Variants in WDR41 observed in about 807,000 individuals in gnomAD.
The protein encoded by WDR41 is WD repeat domain 41.
Under a neutral mutation model 69.3 loss-of-function variants are expected in WDR41, and 63 were observed. That is an observed-to-expected ratio of 0.91 (90% CI 0.74 to 1.12). The LOEUF (loss-of-function observed/expected upper bound fraction) is 1.12, where lower values mean the gene tolerates loss of function less well. Among genes scored for constraint, WDR41 ranks in the 50% most tolerant of loss-of-function variants. WDR41 has a pLI of 0.00. For missense variants in WDR41, 543 were observed against 534.5 expected (o/e 1.02, Z -0.16); for synonymous variants, 185 against 192.1 (o/e 0.96, Z 0.31).
intron 2 of WDR41, among the ~76,000 whole-genome samples, chr5:77,475,146 C>T (rs887710445): frequency 2.0e-5 from 3 of 152,222 alleles, no homozygotes; most frequent in Admixed American, 1.3e-4. Flanking sequence ...TTATATCCTG[C>T]ACCTCACTTG....
intron 1 of WDR41, chr5:77,582,312 T>C: frequency 6.9e-7 from 1 of 1,450,606 alleles, no homozygotes; most frequent in Middle Eastern, 2.1e-4. Flanking sequence ...TATGCATAGA[T>C]ATATAACAAG....
intron 1 of WDR41, among the ~76,000 whole-genome samples, chr5:77,491,622 T>A (rs1199923295): frequency 1.3e-5 from 2 of 151,904 alleles, no homozygotes; most frequent in Admixed American, 1.3e-4. Context: ...AATTAGAAAA[T>A]CATGTTCTTG....
intron 1 of WDR41, among the ~76,000 whole-genome samples, chr5:77,500,069 C>A (rs1375804130): frequency 6.6e-6 from 1 of 152,096 alleles, no homozygotes; most frequent in Non-Finnish European, 1.5e-5. Context: ...TATGGAGAAA[C>A]ACAAAAGTCT....
At chr5:77,512,833 A>T (rs1489413464) in intron 1 of WDR41, among the ~76,000 whole-genome samples, 1 of 151,998 alleles carries the variant, frequency 6.6e-6, no homozygotes, top group Non-Finnish European at 1.5e-5. Context: ...CACTGAAATC[A>T]AATTAATATA....
intron 1 of WDR41, among the ~76,000 whole-genome samples, chr5:77,599,727 T>G (rs1396316632): frequency 1.3e-5 from 2 of 152,214 alleles, no homozygotes. Context: ...CTAGCCCTCT[T>G]TCTTTACAGC....
intron 5 of WDR41, among the ~76,000 whole-genome samples, chr5:77,458,473 T>A (rs182917836): frequency 9.2e-5 from 14 of 152,284 alleles, no homozygotes; most frequent in Non-Finnish European, 1.8e-4. Flanking sequence ...ACAGTGGCAC[T>A]TTCTCTGAAC....
intron 1 of WDR41, among the ~76,000 whole-genome samples, chr5:77,548,704 A>G (rs1244603210): frequency 3.3e-5 from 5 of 152,232 alleles, no homozygotes; most frequent in African/African-American, 9.6e-5. Context: ...TACAACCACT[A>G]TAGAAAACAG....
rs1474511038 is a variant in WDR41, at chr5:77,463,062, C to A, written c.348+33G>T. The A allele has an allele frequency of 2.5e-6, 4 of 1,607,832 alleles. No individual in the cohort carries two copies. The African/African-American group carries it at 4.0e-5, about 16-fold the overall frequency. On this transcript the variant is annotated intron_variant, in intron 4 of 12. Transcript: ENST00000296679. The stretch of plus-strand genomic sequence containing the variant: ...TATGTAGTGGCTCCTTAGGCCACTA[C>A]AGCTTGTTCATTTCTTCCAGATTAA...
At chr5:77,614,997 G>C (rs1744649677) in intron 1 of WDR41, among the ~76,000 whole-genome samples, 1 of 152,132 alleles carries the variant, frequency 6.6e-6, no homozygotes, top group Non-Finnish European at 1.5e-5. Context: ...TGTCCAGAAA[G>C]TAAAATTTAT....
At chr5:77,578,250 A>G (rs112467941) in intron 1 of WDR41, among the ~76,000 whole-genome samples, 2,889 of 152,334 alleles carry the variant, frequency 0.019, 80 homozygotes, top group African/African-American at 0.055. Context: ...GACATTAGCC[A>G]TAATGTCATA....
At chr5:77,463,008 A>G (rs1800139111) in intron 4 of WDR41, 87 bp downstream of exon 4, 1 of 1,433,898 alleles carries the variant, frequency 7.0e-7, no homozygotes, top group Non-Finnish European at 9.4e-7. Context: ...ATATACAGAC[A>G]AGACCCTATC....
intron 1 of WDR41, chr5:77,491,870 C>G (rs980599691): frequency 7.2e-6 from 3 of 417,702 alleles, no homozygotes; most frequent in Non-Finnish European, 1.3e-5. Flanking sequence ...GTCACAGGTC[C>G]CAATAGGACT....
upstream of WDR41, among the ~76,000 whole-genome samples, chr5:77,495,879 T>G (rs1440586960): frequency 6.6e-6 from 1 of 151,990 alleles, no homozygotes; most frequent in East Asian, 1.9e-4. Flanking sequence ...CATAATATTA[T>G]CACATTAAAT....
rs147343250 is a variant in WDR41, at chr5:77,489,248, A to T, written c.167+209T>A. Among the ~76,000 whole-genome samples, 515 of 152,312 alleles carry T rather than the reference A, an allele frequency of 3.4e-3. 4 individuals are homozygous for T. The highest frequency in any genetic ancestry group is 0.012 in the African/African-American group (484 of 41,566). On this transcript the variant is annotated intron_variant, in intron 2 of 12. Coordinates refer to ENST00000296679, the MANE Select transcript of WDR41 (RefSeq NM_018268.4). ...AAACAAACATAACCCTCAAATCACC[A>T]GACACGACACCCTGACTTTGGGCAA... is the stretch of plus-strand genomic sequence containing the variant.
intron 1 of WDR41, among the ~76,000 whole-genome samples, chr5:77,525,551 T>A (rs1435744310): frequency 1.3e-5 from 2 of 152,022 alleles, no homozygotes; most frequent in Non-Finnish European, 2.9e-5. Flanking sequence ...ACAAAAAAAA[T>A]GTAAATAGTG....
At chr5:77,619,734 A>T (rs1214149363) in intron 1 of WDR41, among the ~76,000 whole-genome samples, 1 of 151,934 alleles carries the variant, frequency 6.6e-6, no homozygotes, top group Non-Finnish European at 1.5e-5. Flanking sequence ...GGAAAGGAAA[A>T]GGGGTGTTTT....
intron 2 of WDR41, among the ~76,000 whole-genome samples, chr5:77,474,810 G>C (rs1027926519): frequency 6.6e-6 from 1 of 152,170 alleles, no homozygotes; most frequent in Non-Finnish European, 1.5e-5. Context: ...GTAGGAGGAG[G>C]AGCCAAGATG....
At chr5:77,466,529 TC>T (rs1340545961) in intron 2 of WDR41, among the ~76,000 whole-genome samples, 1 of 151,930 alleles carries the variant, frequency 6.6e-6, no homozygotes, top group African/African-American at 2.4e-5. Flanking sequence ...ATACTTTTTT[TC>T]TAACCCTAAT....
chr5:77,615,240 CTAAAGACAT>C (rs1243311169), intron 1 of WDR41, among the ~76,000 whole-genome samples: 1 of 152,126 alleles, frequency 6.6e-6, no homozygotes, highest in Non-Finnish European at 1.5e-5. Context: ...CAAACTAACT[CTAAAGACAT>C]TTTTGAAATA....
Sources: gnomAD v4.1 joint callset for allele counts (sites outside exome capture counted in the v4.1 genomes callset) on GRCh38, gnomAD v4.1.1 for gene constraint, MANE v1.5 for transcripts, NCBI Gene and HGNC (gene_info 2026-07-23, HGNC 2026-07-21) for gene names.